LRRC7: variants seen among roughly 807,000 people sequenced by gnomAD.
LRRC7 encodes leucine-rich repeat-containing protein 7.
Under a neutral mutation model 175.7 loss-of-function variants are expected in LRRC7, and 23 were observed. The ratio of observed to expected loss-of-function variants is 0.13; its 90% CI spans 0.09 to 0.19. LRRC7 has a LOEUF of 0.19. Ranked by LOEUF, LRRC7 falls within the 10% of genes least tolerant of loss-of-function variation. The pLI is 1.00. For synonymous variants in LRRC7, 685 were observed against 680.9 expected (o/e 1.01, Z -0.09); for missense variants, 1,354 against 1,904.7 (o/e 0.71, Z 5.38).
intron 2 of LRRC7, among the ~76,000 whole-genome samples, chr1:69,707,431 T>C (rs1440583743): frequency 1.3e-5 from 2 of 152,146 alleles, no homozygotes. Flanking sequence ...TTACCCAGAT[T>C]GGTAATCTGC....
At chr1:69,919,371 G>A (rs961034724) in intron 7 of LRRC7, 29 of 614,812 alleles carry the variant, frequency 4.7e-5, no homozygotes, top group African/African-American at 4.3e-4. Context: ...CGGACGAGGA[G>A]AAACTGCCGC....
intron 3 of LRRC7, among the ~76,000 whole-genome samples, chr1:69,760,677 AG>A (rs1670942066): frequency 6.6e-6 from 1 of 151,934 alleles, no homozygotes; most frequent in East Asian, 1.9e-4. Flanking sequence ...TATAGAGTAG[AG>A]GGTTGAGATC....
chr1:69,857,419 C>T (rs1328187746), intron 7 of LRRC7, among the ~76,000 whole-genome samples: 2 of 152,174 alleles, frequency 1.3e-5, no homozygotes, highest in African/African-American at 2.4e-5. Flanking sequence ...AGCAAACTCT[C>T]AGGATACAAA....
intron 2 of LRRC7, among the ~76,000 whole-genome samples, chr1:69,685,647 T>C (rs1297772214): frequency 6.6e-6 from 1 of 152,134 alleles, no homozygotes; most frequent in Non-Finnish European, 1.5e-5. Context: ...TAAATGAATA[T>C]GTAGATTAGT....
intron 4 of LRRC7, among the ~76,000 whole-genome samples, chr1:69,820,594 G>T (rs991420019): frequency 1.3e-5 from 2 of 152,098 alleles, no homozygotes; most frequent in Admixed American, 1.3e-4. Context: ...TCCCACTTAT[G>T]AGTGAGAACA....
At chr1:69,887,876 T>C (rs28803839) in intron 7 of LRRC7, among the ~76,000 whole-genome samples, 4,720 of 144,360 alleles carry the variant, frequency 0.033, 249 homozygotes, top group African/African-American at 0.11. Context: ...AATACCCTGC[T>C]GTGTGAGGTG....
At chr1:69,602,421 G>T (rs1191141758) in intron 1 of LRRC7, among the ~76,000 whole-genome samples, 6 of 152,100 alleles carry the variant, frequency 3.9e-5, no homozygotes, top group African/African-American at 1.2e-4. Context: ...GACAGCTAAT[G>T]CTATGATAAT....
intron 1 of LRRC7, among the ~76,000 whole-genome samples, chr1:69,658,000 T>A (rs1472997186): frequency 6.6e-6 from 1 of 151,932 alleles, no homozygotes; most frequent in African/African-American, 2.4e-5. Context: ...GTTTTTCAAT[T>A]CATCATTTTT....
intron 1 of LRRC7, among the ~76,000 whole-genome samples, chr1:69,593,266 C>G (rs115904711): frequency 0.02 from 3,005 of 152,076 alleles, 102 homozygotes; most frequent in African/African-American, 0.067. Context: ...TAAGCAAATT[C>G]GTGAAAAATA....
At chr1:69,858,570 A>G (rs1055546733) in intron 7 of LRRC7, among the ~76,000 whole-genome samples, 1 of 151,192 alleles carries the variant, frequency 6.6e-6, no homozygotes, top group African/African-American at 2.4e-5. Context: ...TCATCCTTTG[A>G]GTTGGGAATT....
intron 1 of LRRC7, among the ~76,000 whole-genome samples, chr1:69,578,070 A>T (rs1438603161): frequency 1.3e-5 from 2 of 152,186 alleles, no homozygotes; most frequent in Non-Finnish European, 2.9e-5. Context: ...TCCAGAATCT[A>T]CAATGAACTC....
intron 1 of LRRC7, among the ~76,000 whole-genome samples, chr1:69,573,408 A>G (rs975451761): frequency 1.3e-4 from 20 of 152,192 alleles, no homozygotes; most frequent in Admixed American, 6.5e-5. Flanking sequence ...TGGTGATAAT[A>G]CACCCTATTA....
At chr1:69,693,502 T>G (rs1394375143) in intron 2 of LRRC7, among the ~76,000 whole-genome samples, 1 of 152,220 alleles carries the variant, frequency 6.6e-6, no homozygotes, top group African/African-American at 2.4e-5. Flanking sequence ...CATTCAAGTC[T>G]AAAAGCTATG....
chr1:69,616,369 C>T (rs1649618718), intron 1 of LRRC7, among the ~76,000 whole-genome samples: 1 of 151,900 alleles, frequency 6.6e-6, no homozygotes, highest in South Asian at 2.1e-4. Flanking sequence ...TAGTACTATA[C>T]TGTACATAAA....
chr1:70,123,329 T>G lies in LRRC7; in HGVS notation c.*1442T>G, dbSNP rs2102249498. 1 of 152,330 alleles carries G rather than the reference T, an allele frequency of 6.6e-6. No homozygotes were observed. Among genetic ancestry groups the G allele is most frequent in the South Asian group, 2.1e-4 (1 of 4,830 alleles). The allele number at this position is 152,330 out of a possible 1,614,324, so 9.4% of individuals were successfully genotyped here. A position where few individuals can be genotyped will look rare whatever the true frequency, so the allele number is the denominator to read the frequency against. On this transcript the variant is annotated 3_prime_UTR_variant, in exon 27 of 27. Transcript: ENST00000651989. Reference sequence around the variant, plus strand: ...TGTTATATAATGAATTTACTTTACATGCTAGTGTTTCAAGTATTGTATGAG... The same window carrying G: ...TGTTATATAATGAATTTACTTTACAGGCTAGTGTTTCAAGTATTGTATGAG...
rs1169973928 is a variant in LRRC7 at position 69,863,423 on chromosome 1, A to C, written c.647+25140A>C. Reference sequence around the variant, plus strand: ...AACAGGAATCTTGCCTAGCTTGTTTATCTCTGTATCCTTATTGCCTAGTAT... The same window carrying C: ...AACAGGAATCTTGCCTAGCTTGTTTCTCTCTGTATCCTTATTGCCTAGTAT... On this transcript the variant is annotated intron_variant, in intron 7 of 26. Transcript: ENST00000651989. 2.0e-5 allele frequency among the ~76,000 whole-genome samples: 3 copies of C among 152,302 alleles called. No individual in the cohort carries two copies. The East Asian group carries it at 5.8e-4, about 29-fold the overall frequency.
intron 3 of LRRC7, among the ~76,000 whole-genome samples, chr1:69,765,393 G>A (rs1249090141): frequency 1.3e-5 from 2 of 152,050 alleles, no homozygotes; most frequent in Admixed American, 1.3e-4. Flanking sequence ...AGTGCTGGCA[G>A]GGACCACTGC....
chr1:69,723,605 A>G (rs533836937), intron 2 of LRRC7, among the ~76,000 whole-genome samples: 123 of 152,240 alleles, frequency 8.1e-4, no homozygotes, highest in Non-Finnish European at 1.5e-3. Flanking sequence ...AGACTCTTCT[A>G]TTTTTTACAA....
At position 69,986,290 on chromosome 1, in the gene LRRC7, A is replaced by G; in HGVS notation, c.835A>G (p.Arg279Gly). The G allele has an allele frequency of 6.2e-7, 1 of 1,613,566 alleles. No homozygotes were observed. The highest frequency in any genetic ancestry group is 8.5e-7 in the Non-Finnish European group (1 of 1,179,644). The change falls in exon 10 of 27, where the codon AGA (arginine) becomes GGA (glycine). Residue 279 changes from arginine (R) to glycine (G), a missense_variant. Arg to Gly is a moderately radical substitution (Grantham distance 125, BLOSUM62 -2). Transcript: ENST00000651989. Reference sequence around the variant, plus strand: ...GGTATACCTGGATATGTCAAAAAACAGAATAGAAACAGTTGACATGGACAT... The same window carrying G: ...GGTATACCTGGATATGTCAAAAAACGGAATAGAAACAGTTGACATGGACAT... Reference protein sequence around the residue: ...MLVYLDMSKNRIETVDMDISG... With the variant: ...MLVYLDMSKNGIETVDMDISG...
Sources: allele counts gnomAD v4.1 joint callset (sites outside exome capture counted in the v4.1 genomes callset), GRCh38; gene constraint gnomAD v4.1.1; transcripts MANE v1.5; gene names NCBI Gene and HGNC (gene_info 2026-07-23, HGNC 2026-07-21).